Variants in MBD5 observed in about 807,000 individuals in gnomAD.
MBD5 encodes the protein methyl-CpG binding domain protein 5, also known as methyl-CpG-binding domain protein 5.
A neutral mutation model predicts 117.3 loss-of-function variants in MBD5; 13 were observed. That is an observed-to-expected ratio of 0.11 (90% CI 0.07 to 0.18). MBD5 has a LOEUF of 0.18. MBD5 is among the 10% of genes least tolerant of loss of function. The pLI is 1.00. For missense variants in MBD5, 1,879 were observed against 2,093.8 expected (o/e 0.90, Z 2.00); for synonymous variants, 727 against 766.4 (o/e 0.95, Z 0.85).
At position 148,081,982 on chromosome 2, in the gene MBD5, G is replaced by A. The variant is rs555077887; in HGVS notation, c.-925+60298G>A. Among the ~76,000 whole-genome samples the A allele has an allele frequency of 4.6e-5, 7 of 152,258 alleles. No homozygotes were observed. The South Asian group carries it at 1.5e-3, about 32-fold the overall frequency. On this transcript the variant is annotated intron_variant, in intron 1 of 13. Transcript: ENST00000642680. ...TATTTCCTTTTATTCACTTCCGCATGAGTCTATATAATTCATTTTTAGGCT... is the reference window on the plus strand; with the variant it reads ...TATTTCCTTTTATTCACTTCCGCATAAGTCTATATAATTCATTTTTAGGCT...
intron 1 of MBD5, among the ~76,000 whole-genome samples, chr2:148,059,737 T>C (rs893333525): frequency 1.3e-5 from 2 of 151,810 alleles, no homozygotes; most frequent in African/African-American, 2.4e-5. Context: ...TCCCAGCTAC[T>C]TGGGAGGCTG....
chr2:148,402,219 T>G (rs965670276), intron 4 of MBD5, among the ~76,000 whole-genome samples: 1 of 152,154 alleles, frequency 6.6e-6, no homozygotes, highest in African/African-American at 2.4e-5. Flanking sequence ...AAACTTTCAC[T>G]TACTATTTTT....
In MBD5 at chr2:148,458,251, C is replaced by T. The variant is rs1402654048; in HGVS notation, c.-508C>T. On this transcript the variant is annotated 5_prime_UTR_variant, in exon 5 of 14. Transcript: ENST00000642680. ...TCATGAAAACATCAGATGAACCAAC[C>T]TGCAACACCTTGGATTCAGATTGGA... is the stretch of plus-strand genomic sequence containing the variant. 1.5e-5 allele frequency: 6 copies of T among 404,000 alleles called. No homozygotes were observed. Among genetic ancestry groups the T allele is most frequent in the East Asian group, 3.5e-5 (1 of 28,434 alleles). 25.0% of individuals were successfully genotyped at this position (404,000 alleles called of 1,614,324 possible). A position where few individuals can be genotyped will look rare whatever the true frequency, so the allele number is the denominator to read the frequency against.
At chr2:148,244,728 C>G (rs1248302540) in intron 3 of MBD5, among the ~76,000 whole-genome samples, 1 of 152,146 alleles carries the variant, frequency 6.6e-6, no homozygotes, top group Non-Finnish European at 1.5e-5. Flanking sequence ...TTTACCTTTT[C>G]TGTTTCATTT....
At chr2:148,378,928 A>G (rs1174211810) in intron 4 of MBD5, among the ~76,000 whole-genome samples, 3 of 152,076 alleles carry the variant, frequency 2.0e-5, no homozygotes, top group Non-Finnish European at 4.4e-5. Context: ...AGGTGAAGAG[A>G]CAATTAGTGG....
intron 4 of MBD5, among the ~76,000 whole-genome samples, chr2:148,410,663 T>A (rs926499182): frequency 6.6e-6 from 1 of 152,100 alleles, no homozygotes; most frequent in Non-Finnish European, 1.5e-5. Context: ...ACTCCTGAAC[T>A]CCAAGTGATT....
intron 1 of MBD5, among the ~76,000 whole-genome samples, chr2:148,150,226 G>C (rs1697610424): frequency 6.7e-6 from 1 of 148,388 alleles, no homozygotes; most frequent in African/African-American, 2.5e-5. Flanking sequence ...GTTTTTCTCA[G>C]GTTTGTCAAA....
intron 8 of MBD5, among the ~76,000 whole-genome samples, chr2:148,475,200 A>G (rs1052213874): frequency 2.6e-5 from 4 of 152,182 alleles, no homozygotes; most frequent in Non-Finnish European, 4.4e-5. Flanking sequence ...CCCCAATCAG[A>G]TGCACAAAGT....
chr2:148,148,619 C>G (rs1697538834), intron 1 of MBD5, among the ~76,000 whole-genome samples: 1 of 152,096 alleles, frequency 6.6e-6, no homozygotes, highest in Non-Finnish European at 1.5e-5. Flanking sequence ...AGTCCTTTGT[C>G]TATTCCTTTT....
intron 4 of MBD5, among the ~76,000 whole-genome samples, chr2:148,405,479 G>A (rs1041884550): frequency 2.0e-5 from 3 of 152,038 alleles, no homozygotes; most frequent in East Asian, 1.9e-4. Flanking sequence ...CCAGGAAAAC[G>A]GAACAGCAAC....
At chr2:148,149,904 G>C (rs1351525594) in intron 1 of MBD5, among the ~76,000 whole-genome samples, 1 of 143,834 alleles carries the variant, frequency 7.0e-6, no homozygotes, top group East Asian at 2.0e-4. Flanking sequence ...TGTTCACTCT[G>C]ATGGTAGTTT....
chr2:148,069,585 T>C (rs1039135242), intron 1 of MBD5, among the ~76,000 whole-genome samples: 1 of 152,136 alleles, frequency 6.6e-6, no homozygotes, highest in Non-Finnish European at 1.5e-5. Context: ...AATAAGGAGT[T>C]TGTGGGGAAC....
chr2:148,279,826 C>T (rs1701199227), intron 3 of MBD5, among the ~76,000 whole-genome samples: 1 of 152,038 alleles, frequency 6.6e-6, no homozygotes, highest in African/African-American at 2.4e-5. Flanking sequence ...AGGTGGAGTG[C>T]AGTGGCTATT....
intron 2 of MBD5, among the ~76,000 whole-genome samples, chr2:148,208,059 C>T (rs1699329791): frequency 6.6e-6 from 1 of 152,154 alleles, no homozygotes; most frequent in African/African-American, 2.4e-5. Context: ...CAGAGCCATT[C>T]TCCTTCTAAA....
intron 1 of MBD5, among the ~76,000 whole-genome samples, chr2:148,151,232 G>T (rs1457303293): frequency 1.3e-5 from 2 of 151,998 alleles, no homozygotes; most frequent in Admixed American, 6.6e-5. Flanking sequence ...CTGTTTATGT[G>T]CTGGATTACA....
intron 7 of MBD5, among the ~76,000 whole-genome samples, chr2:148,465,694 C>T (rs1394436529): frequency 6.6e-6 from 1 of 151,942 alleles, no homozygotes; most frequent in Non-Finnish European, 1.5e-5. Context: ...AAGATTAGAC[C>T]GATGTAGGTA....
At chr2:148,227,212 G>A (rs548352451) in intron 2 of MBD5, among the ~76,000 whole-genome samples, 1,910 of 152,294 alleles carry the variant, frequency 0.013, 41 homozygotes, top group African/African-American at 0.043. Context: ...GAATGGTATT[G>A]CCTAGGTTTT....
At chr2:148,303,926 C>CA (rs1161675661) in intron 3 of MBD5, among the ~76,000 whole-genome samples, 2 of 152,010 alleles carry the variant, frequency 1.3e-5, no homozygotes, top group African/African-American at 2.4e-5. Flanking sequence ...GATTAAAGCT[C>CA]AAAAGAAACC....
intron 8 of MBD5, among the ~76,000 whole-genome samples, chr2:148,479,493 A>C (rs1389249320): frequency 6.6e-6 from 1 of 152,192 alleles, no homozygotes; most frequent in Non-Finnish European, 1.5e-5. Flanking sequence ...CAGAGACTGT[A>C]TTAGGTCTTG....
Sources: allele counts gnomAD v4.1 joint callset (sites outside exome capture counted in the v4.1 genomes callset), GRCh38; gene constraint gnomAD v4.1.1; transcripts MANE v1.5; gene names NCBI Gene and HGNC (gene_info 2026-07-23, HGNC 2026-07-21).